Variants in TIMP3 observed in about 807,000 individuals in gnomAD.
The protein encoded by TIMP3 is TIMP metallopeptidase inhibitor 3, also known as metalloproteinase inhibitor 3.
TIMP3 carries 11 observed loss-of-function variants against 30.0 expected under a neutral mutation model. The ratio of observed to expected loss-of-function variants is 0.37; its 90% CI spans 0.23 to 0.61. TIMP3 has a LOEUF of 0.61. Ranked by LOEUF, TIMP3 falls within the 20% of genes least tolerant of loss-of-function variation. The pLI is 0.70. For missense variants in TIMP3, 181 were observed against 276.8 expected (o/e 0.65, Z 2.45); for synonymous variants, 112 against 111.3 (o/e 1.01, Z -0.04).
intron 1 of TIMP3, among the ~76,000 whole-genome samples, chr22:32,835,194 T>TA (rs1302409474): frequency 2.0e-5 from 3 of 152,210 alleles, no homozygotes; most frequent in African/African-American, 7.2e-5. Context: ...GGTAGGGTGA[T>TA]ACACTCTTCT....
At chr22:32,824,380 C>A (rs1183806193) in intron 1 of TIMP3, among the ~76,000 whole-genome samples, 1 of 151,322 alleles carries the variant, frequency 6.6e-6, no homozygotes, top group Non-Finnish European at 1.5e-5. Context: ...TTGTCAAGTA[C>A]CCTCAGGTTG....
chr22:32,830,954 T>G (rs1286929648), intron 1 of TIMP3, among the ~76,000 whole-genome samples: 7 of 151,508 alleles, frequency 4.6e-5, no homozygotes, highest in Admixed American at 1.3e-4. Flanking sequence ...AAAATGTGTG[T>G]TTTTTTTTCC....
intron 4 of TIMP3, 136 bp downstream of exon 4, chr22:32,858,274 G>C: frequency 7.9e-7 from 1 of 1,268,716 alleles, no homozygotes; most frequent in Non-Finnish European, 1.1e-6. Context: ...AGAGGGGCAG[G>C]TCTGAGCAGA....
chr22:32,813,486 TACACACACACAC>T (rs130277), intron 1 of TIMP3, among the ~76,000 whole-genome samples: 6,896 of 138,224 alleles, frequency 0.05, 209 homozygotes, highest in Middle Eastern at 0.1. Flanking sequence ...TCTGAAAAGA[TACACACACACAC>T]ACACACACAC....
chr22:32,859,111 G>C (rs745865476), intron 4 of TIMP3, 69 bp from the exon 5 acceptor site: 6 of 1,556,374 alleles, frequency 3.9e-6, no homozygotes, highest in Non-Finnish European at 4.4e-6. Flanking sequence ...CTGAATCCAG[G>C]CTCGGTAGCC....
chr22:32,830,191 C>T (rs535971919), intron 1 of TIMP3, among the ~76,000 whole-genome samples: 137 of 152,292 alleles, frequency 9.0e-4, no homozygotes, highest in African/African-American at 3.3e-3. Flanking sequence ...TCCTTTTTCC[C>T]GCTGCCCTCT....
intron 1 of TIMP3, among the ~76,000 whole-genome samples, chr22:32,838,242 G>A (rs1388715403): frequency 3.9e-5 from 6 of 152,086 alleles, no homozygotes; most frequent in Non-Finnish European, 7.3e-5. Flanking sequence ...ATTTCAAGTG[G>A]ACTTGAGGAG....
chr22:32,822,573 C>T (rs171383), intron 1 of TIMP3, among the ~76,000 whole-genome samples: 138,442 of 152,266 alleles, frequency 0.91, 63,013 homozygotes, highest in Middle Eastern at 0.94. Context: ...AATAACTAGG[C>T]AATGGAGTCC....
chr22:32,822,937 A>C, intron 1 of TIMP3, among the ~76,000 whole-genome samples: 1 of 151,842 alleles, frequency 6.6e-6, no homozygotes, highest in South Asian at 2.1e-4. Flanking sequence ...AACAAAAAAA[A>C]AACAGAGAGA....
At chr22:32,816,954 C>T (rs1160041009) in intron 1 of TIMP3, among the ~76,000 whole-genome samples, 2 of 152,060 alleles carry the variant, frequency 1.3e-5, no homozygotes, top group Non-Finnish European at 2.9e-5. Context: ...GGCACAGCGG[C>T]TCACGCATAT....
Position 32,837,137 on chromosome 22 carries a change from G to A in TIMP3, c.122-12315G>A, listed in dbSNP as rs1357686707. ...GCTCCTGAGATGTTGCCAGCTGTTT[G>A]GGCTTCAAAAATGCCCCGACCTGAA... On this transcript the variant is annotated intron_variant, in intron 1 of 4. Coordinates refer to ENST00000266085, the MANE Select transcript of TIMP3 (RefSeq NM_000362.5). The surrounding 1 kb of genome is among the most constrained non-coding windows in gnomAD (Gnocchi z 4.1). Among the ~76,000 whole-genome samples the A allele has an allele frequency of 6.6e-6, 1 of 152,184 alleles. No individual in the cohort carries two copies. The highest frequency in any genetic ancestry group is 1.9e-4 in the East Asian group (1 of 5,194).
intron 2 of TIMP3, among the ~76,000 whole-genome samples, chr22:32,856,758 T>TA (rs1209825063): frequency 2.0e-5 from 3 of 152,318 alleles, no homozygotes; most frequent in African/African-American, 7.2e-5. Context: ...CACTGGGTCT[T>TA]ACTTGTTCTG....
intron 1 of TIMP3, among the ~76,000 whole-genome samples, chr22:32,839,349 T>A (rs2047829506): frequency 1.3e-5 from 2 of 152,308 alleles, no homozygotes; most frequent in East Asian, 3.9e-4. Flanking sequence ...TTTCCCACTG[T>A]CTATCCTTTG....
At chr22:32,850,831 G>A (rs2048197797) in intron 2 of TIMP3, among the ~76,000 whole-genome samples, 1 of 152,192 alleles carries the variant, frequency 6.6e-6, no homozygotes, top group African/African-American at 2.4e-5. Flanking sequence ...GAGGAGACAA[G>A]CCGCAATGTC....
intron 1 of TIMP3, among the ~76,000 whole-genome samples, chr22:32,833,500 C>G (rs2047638691): frequency 6.6e-6 from 1 of 152,170 alleles, no homozygotes; most frequent in Non-Finnish European, 1.5e-5. Context: ...GCAGTTTAAC[C>G]TTGGGATGGG....
chr22:32,849,824 C>A (rs1353050555), intron 2 of TIMP3, among the ~76,000 whole-genome samples: 1 of 152,116 alleles, frequency 6.6e-6, no homozygotes, highest in Non-Finnish European at 1.5e-5. Flanking sequence ...TAGCTCGTAA[C>A]CATGAGACCT....
chr22:32,825,488 G>A (rs534183414), intron 1 of TIMP3, among the ~76,000 whole-genome samples: 8 of 151,466 alleles, frequency 5.3e-5, no homozygotes, highest in South Asian at 2.1e-4. Context: ...GTGAAACCCC[G>A]TCTTTACTAA....
At chr22:32,845,101 G>T (rs568313831) in intron 1 of TIMP3, among the ~76,000 whole-genome samples, 1 of 152,240 alleles carries the variant, frequency 6.6e-6, no homozygotes, top group South Asian at 2.1e-4. Flanking sequence ...AGAAATTCTA[G>T]AGAGACAAGA....
intron 1 of TIMP3, among the ~76,000 whole-genome samples, chr22:32,830,786 G>A (rs975168576): frequency 3.3e-5 from 5 of 152,128 alleles, no homozygotes; most frequent in African/African-American, 9.7e-5. Context: ...TCCGCCTCAC[G>A]CTTCTCTGTG....
Sources: allele counts gnomAD v4.1 joint callset (sites outside exome capture counted in the v4.1 genomes callset), GRCh38; gene constraint gnomAD v4.1.1; non-coding constraint Gnocchi (gnomAD v3.1); transcripts MANE v1.5; gene names NCBI Gene and HGNC (gene_info 2026-07-23, HGNC 2026-07-21).